CPQ: variants seen among roughly 807,000 people sequenced by gnomAD.
CPQ encodes the protein Ser-Met dipeptidase.
In CPQ, 37 loss-of-function variants were observed where a neutral mutation model predicts 45.7. That is an observed-to-expected ratio of 0.81 (90% CI 0.62 to 1.07). The LOEUF (loss-of-function observed/expected upper bound fraction) is 1.07. CPQ is among the 50% of genes least tolerant of loss of function. The probability of loss-of-function intolerance (pLI) is 0.00; values close to 1 mark genes in which losing one functional copy is unlikely to be tolerated. For synonymous variants in CPQ, 186 were observed against 205.8 expected (o/e 0.90, Z 0.82); for missense variants, 537 against 572.9 (o/e 0.94, Z 0.64).
At chr8:96,879,507 G>A (rs1586435917) in intron 3 of CPQ, among the ~76,000 whole-genome samples, 2 of 152,106 alleles carry the variant, frequency 1.3e-5, no homozygotes, top group African/African-American at 4.8e-5. Flanking sequence ...GATCATGAAG[G>A]CACTATTAAT....
At chr8:96,822,303 C>G (rs1811318935) in intron 2 of CPQ, among the ~76,000 whole-genome samples, 1 of 151,956 alleles carries the variant, frequency 6.6e-6, no homozygotes. Context: ...CATTCATTCA[C>G]TGATGGACAC....
chr8:96,965,061 C>A (rs1291202232), intron 4 of CPQ, among the ~76,000 whole-genome samples: 1 of 152,050 alleles, frequency 6.6e-6, no homozygotes, highest in African/African-American at 2.4e-5. Flanking sequence ...AATATAATTT[C>A]TAGATTTATT....
chr8:97,111,210 C>T (rs1460882911), intron 7 of CPQ, among the ~76,000 whole-genome samples: 4 of 152,126 alleles, frequency 2.6e-5, no homozygotes, highest in African/African-American at 9.7e-5. Context: ...CATACCTTTT[C>T]CCACAATGTA....
At chr8:96,801,798 C>T (rs1334325000) in intron 2 of CPQ, among the ~76,000 whole-genome samples, 1 of 152,168 alleles carries the variant, frequency 6.6e-6, no homozygotes, top group Non-Finnish European at 1.5e-5. Context: ...TCTCTGCCTC[C>T]TCTCTGCCTT....
chr8:96,754,179 C>A (rs1031653023), intron 1 of CPQ, among the ~76,000 whole-genome samples: 2 of 152,122 alleles, frequency 1.3e-5, no homozygotes, highest in East Asian at 3.9e-4. Flanking sequence ...AAGAACATTT[C>A]TTGAAATGCA....
chr8:96,935,290 A>G (rs1813030658), intron 4 of CPQ, among the ~76,000 whole-genome samples: 1 of 152,200 alleles, frequency 6.6e-6, no homozygotes, highest in Non-Finnish European at 1.5e-5. Flanking sequence ...TGGCATCCCA[A>G]GAAACATAGA....
At position 97,143,251 on chromosome 8, in the gene CPQ, C is replaced by A; in HGVS notation, c.*68C>A. 6.9e-7 allele frequency: 1 copy of A among 1,447,024 alleles called. No individual in the cohort carries two copies. The highest frequency in any genetic ancestry group is 9.6e-7 in the Non-Finnish European group (1 of 1,045,774). The allele number at this position is 1,447,024 out of a possible 1,614,324, so 89.6% of individuals were successfully genotyped here. A position where few individuals can be genotyped will look rare whatever the true frequency, so the allele number is the denominator to read the frequency against. ...CCTGGGTCTGCAACTTTGGAAAACT[C>A]CTCTTCACATAACAATTTCATCCAA... On this transcript the variant is annotated 3_prime_UTR_variant, in exon 8 of 8. Coordinates refer to ENST00000220763, the MANE Select transcript of CPQ (RefSeq NM_016134.4).
chr8:96,971,633 G>A (rs1024495280), intron 5 of CPQ, among the ~76,000 whole-genome samples: 1 of 152,160 alleles, frequency 6.6e-6, no homozygotes. Context: ...TCCTCAATAT[G>A]TTTAGTGAAT....
chr8:96,818,302 T>TA (rs1349015966), intron 2 of CPQ, among the ~76,000 whole-genome samples: 1 of 151,932 alleles, frequency 6.6e-6, no homozygotes, highest in Non-Finnish European at 1.5e-5. Context: ...TTTCTCTTCT[T>TA]ACATGGGTGT....
At chr8:96,871,640 T>C (rs1450097914) in intron 3 of CPQ, among the ~76,000 whole-genome samples, 1 of 150,184 alleles carries the variant, frequency 6.7e-6, no homozygotes, top group African/African-American at 2.5e-5. Flanking sequence ...TTTAAGAGGG[T>C]GACTGTAGTT....
chr8:96,917,844 A>C (rs1024341345), intron 4 of CPQ, among the ~76,000 whole-genome samples: 2 of 152,138 alleles, frequency 1.3e-5, no homozygotes, highest in Non-Finnish European at 2.9e-5. Flanking sequence ...CAATAGTGAA[A>C]ATCTGGTTCC....
chr8:97,041,065 T>A (rs1471537917), intron 6 of CPQ, among the ~76,000 whole-genome samples: 3 of 152,364 alleles, frequency 2.0e-5, no homozygotes, highest in East Asian at 1.9e-4. Flanking sequence ...ATCTATAAAT[T>A]GCCTTGGGCA....
chr8:96,761,984 T>C (rs889200707), intron 1 of CPQ, among the ~76,000 whole-genome samples: 1 of 152,172 alleles, frequency 6.6e-6, no homozygotes, highest in African/African-American at 2.4e-5. Context: ...GTGAGCCACT[T>C]GCTCTGTAAC....
intron 2 of CPQ, among the ~76,000 whole-genome samples, chr8:96,786,696 C>A (rs368808544): frequency 3.9e-5 from 6 of 152,050 alleles, no homozygotes; most frequent in Non-Finnish European, 8.8e-5. Context: ...TATTATCTGT[C>A]TTCTTGGTTA....
chr8:96,810,834 A>G (rs574943002), intron 2 of CPQ, among the ~76,000 whole-genome samples: 89 of 152,298 alleles, frequency 5.8e-4, no homozygotes, highest in Admixed American at 1.9e-3. Context: ...TAACCAGTGT[A>G]TATAATTTTT....
chr8:96,815,015 C>T (rs1172309844), intron 2 of CPQ, among the ~76,000 whole-genome samples: 1 of 152,012 alleles, frequency 6.6e-6, no homozygotes, highest in Non-Finnish European at 1.5e-5. Flanking sequence ...ACTTTGCCAG[C>T]GGAGGGTGCA....
intron 4 of CPQ, among the ~76,000 whole-genome samples, chr8:96,943,673 A>G (rs1169513477): frequency 6.6e-6 from 1 of 152,188 alleles, no homozygotes; most frequent in Non-Finnish European, 1.5e-5. Flanking sequence ...CTCCATTTTC[A>G]AAAGAGTAGA....
intron 3 of CPQ, among the ~76,000 whole-genome samples, chr8:96,840,701 G>A (rs1398447508): frequency 1.3e-5 from 2 of 152,144 alleles, no homozygotes; most frequent in African/African-American, 4.8e-5. Context: ...CATAGATGAT[G>A]GCAATTGGAA....
chr8:96,806,337 AGTACTAATGAGGATAT>A (rs1811078961), intron 2 of CPQ, among the ~76,000 whole-genome samples: 4 of 152,310 alleles, frequency 2.6e-5, no homozygotes, highest in Admixed American at 2.6e-4. Context: ...AGAAACTCTA[AGTACTAATGAGGATAT>A]GAGTTGCTCC....
Sources: gnomAD v4.1 joint callset for allele counts (sites outside exome capture counted in the v4.1 genomes callset) on GRCh38, gnomAD v4.1.1 for gene constraint, MANE v1.5 for transcripts, NCBI Gene and HGNC (gene_info 2026-07-23, HGNC 2026-07-21) for gene names.